The following ALLC variants were observed in gnomAD, a reference collection of about 807,000 sequenced individuals.
The protein encoded by ALLC is allantoicase.
In ALLC, 40 loss-of-function variants were observed where a neutral mutation model predicts 45.0. The observed-to-expected ratio is 0.89, with a 90% CI of 0.69 to 1.16. The LOEUF (loss-of-function observed/expected upper bound fraction) is 1.16. Ranked by LOEUF, ALLC falls within the 50% of genes most tolerant of loss-of-function variation. The probability of loss-of-function intolerance (pLI) is 0.00; values close to 1 mark genes in which losing one functional copy is unlikely to be tolerated. For missense variants in ALLC, 488 were observed against 493.1 expected (o/e 0.99, Z 0.10); for synonymous variants, 176 against 178.1 (o/e 0.99, Z 0.09).
At chr2:3,651,299 G>GAT in the ALLC span, among the ~76,000 whole-genome samples, 13 of 548 alleles carry the variant, frequency 0.024, no homozygotes, top group Non-Finnish European at 0.055. Flanking sequence ...ATTCTTTTTG[G>GAT]GTGGGTGGGT....
At chr2:3,655,631 CTT>C (rs1666420699), upstream of ALLC, among the ~76,000 whole-genome samples, 2 of 152,144 alleles carry the variant, frequency 1.3e-5, no homozygotes, top group East Asian at 3.9e-4. Flanking sequence ...AATTAAAAAA[CTT>C]TTGTTTTTCA....
intron 1 of ALLC, among the ~76,000 whole-genome samples, chr2:3,661,663 T>C (rs1666580169): frequency 6.6e-6 from 1 of 152,242 alleles, no homozygotes; most frequent in African/African-American, 2.4e-5. Context: ...CCTAAACCTC[T>C]TAGCACCTCT....
At position 3,681,670 on chromosome 2, in the gene ALLC, C is replaced by G. The variant is rs1667183150; in HGVS notation, c.335C>G (p.Thr112Arg). Residue 112 changes from threonine (T) to arginine (R), a missense_variant, in exon 6 of 12, where the codon ACA (threonine) becomes AGA (arginine). Thr to Arg is a moderately conservative substitution (Grantham distance 71). Transcript: ENST00000252505. ...GAAATCCCAGAAAGAGGAACCAGGA[C>G]AGGAGCTGCAGCCACTCCTGAGGAG... ...LPEIPERGTR[T>R]GAAATPEEFE... The G allele has an allele frequency of 6.2e-7, 1 of 1,611,160 alleles. No homozygotes were observed. Among genetic ancestry groups the G allele is most frequent in the Non-Finnish European group, 8.5e-7 (1 of 1,178,604 alleles).
intron 3 of ALLC, among the ~76,000 whole-genome samples, chr2:3,676,833 G>T (rs528099497): frequency 6.6e-6 from 1 of 151,762 alleles, no homozygotes; most frequent in Non-Finnish European, 1.5e-5. Flanking sequence ...TGTTGCCCAG[G>T]CTGGAGTGCA....
intron 1 of ALLC, among the ~76,000 whole-genome samples, chr2:3,667,615 G>A (rs1453952911): frequency 6.6e-6 from 1 of 152,170 alleles, no homozygotes; most frequent in East Asian, 1.9e-4. Context: ...TTGTTCTGAC[G>A]ATCGAAATGA....
At chr2:3,669,601 T>C (rs990464173) in intron 1 of ALLC, among the ~76,000 whole-genome samples, 1 of 152,086 alleles carries the variant, frequency 6.6e-6, no homozygotes, top group Non-Finnish European at 1.5e-5. Flanking sequence ...TGAGCCGAGA[T>C]TGCGCCGCTG....
the ALLC span, among the ~76,000 whole-genome samples, chr2:3,650,229 G>T: frequency 1.3e-5 from 2 of 152,218 alleles, no homozygotes; most frequent in African/African-American, 4.8e-5. Flanking sequence ...CACTCTCTGG[G>T]TTCTGGGGTT....
chr2:3,669,955 G>T (rs1666822552), intron 1 of ALLC, among the ~76,000 whole-genome samples: 1 of 152,192 alleles, frequency 6.6e-6, no homozygotes, highest in African/African-American at 2.4e-5. Context: ...GGGATAATTG[G>T]AGTGTGGATG....
chr2:3,685,266 G>C (rs1054721618), intron 7 of ALLC, among the ~76,000 whole-genome samples: 54 of 139,354 alleles, frequency 3.9e-4, no homozygotes, highest in African/African-American at 1.3e-3. Flanking sequence ...GTATTACTCT[G>C]CTCTCACGTT....
chr2:3,681,438 A>G (rs1045362346), intron 5 of ALLC, among the ~76,000 whole-genome samples, 196 bp from the exon 6 acceptor site: 2 of 152,172 alleles, frequency 1.3e-5, no homozygotes, highest in African/African-American at 4.8e-5. Flanking sequence ...ATCTTGTACT[A>G]TTTTTTGAAA....
At chr2:3,671,841 G>A (rs186457104) in intron 2 of ALLC, among the ~76,000 whole-genome samples, 4,956 of 131,336 alleles carry the variant, frequency 0.038, 114 homozygotes, top group East Asian at 0.11. Flanking sequence ...TTAGATTGGA[G>A]GTCCTCTGGC....
chr2:3,680,121 CT>C lies in ALLC; in HGVS notation c.298+130del. On this transcript the variant is annotated intron_variant, in intron 5 of 11. Coordinates refer to ENST00000252505, the MANE Select transcript of ALLC (RefSeq NM_018436.4). This position sits in a 1 kb window ranked among gnomAD's most constrained non-coding sequence, Gnocchi z 4.0. ...AGCTTCAGGCGCTTGACTAAGGCTA[CT>C]TTACTGTAACGGGGCTGTAGGACCA... is the stretch of plus-strand genomic sequence containing the variant. The C allele has an allele frequency of 7.5e-7, 1 of 1,330,098 alleles. No homozygotes were observed. The highest frequency in any genetic ancestry group is 1.0e-6 in the Non-Finnish European group (1 of 957,640). The allele number at this position is 1,330,098 out of a possible 1,614,324, so 82.4% of individuals were successfully genotyped here.
At chr2:3,696,079 T>G (rs1379003315) in intron 8 of ALLC, among the ~76,000 whole-genome samples, 196 bp from the exon 9 acceptor site, 2 of 152,330 alleles carry the variant, frequency 1.3e-5, no homozygotes, top group Non-Finnish European at 1.5e-5. Context: ...TTGGCCTAAG[T>G]AGCTGCTTTA....
chr2:3,674,934 T>C (rs1015380683), intron 3 of ALLC, among the ~76,000 whole-genome samples: 2 of 152,248 alleles, frequency 1.3e-5, no homozygotes, highest in Non-Finnish European at 2.9e-5. Context: ...CTTGACCTAG[T>C]TGTTCCACAG....
chr2:3,674,053 CTT>C lies in ALLC; in HGVS notation c.34-20_34-19del. On this transcript the variant is annotated intron_variant, in intron 2 of 11. Transcript: ENST00000252505. ...TCAGATTTATGGTTGCTTTATCTTT[CTT>C]TCTTTCTTTCTTTGTCTAGATTTTA... is the stretch of plus-strand genomic sequence containing the variant. The C allele has an allele frequency of 1.3e-6, 2 of 1,498,474 alleles. No homozygotes were observed. The highest frequency in any genetic ancestry group is 1.8e-6 in the Non-Finnish European group (2 of 1,103,418). The allele number at this position is 1,498,474 out of a possible 1,614,324, so 92.8% of individuals were successfully genotyped here. A position where few individuals can be genotyped will look rare whatever the true frequency, so the allele number is the denominator to read the frequency against.
At chr2:3,697,498 T>C in intron 10 of ALLC, 42 bp downstream of exon 10, 1 of 1,532,320 alleles carries the variant, frequency 6.5e-7, no homozygotes, top group Non-Finnish European at 9.0e-7. Flanking sequence ...AATTGGTTTG[T>C]TTATTCTAAA....
At chr2:3,656,385 T>C (rs547531161), upstream of ALLC, among the ~76,000 whole-genome samples, 30 of 152,314 alleles carry the variant, frequency 2.0e-4, no homozygotes, top group South Asian at 4.6e-3. Context: ...GCCCCACAGA[T>C]GGGTCCACAG....
the ALLC span, among the ~76,000 whole-genome samples, chr2:3,652,120 G>T: frequency 6.6e-6 from 1 of 152,226 alleles, no homozygotes; most frequent in African/African-American, 2.4e-5. Context: ...GAGGCCCGGA[G>T]CCCCGCCTCG....
chr2:3,646,583 A>G, the ALLC span, among the ~76,000 whole-genome samples: 144 of 152,298 alleles, frequency 9.5e-4, no homozygotes, highest in African/African-American at 3.2e-3. Flanking sequence ...GTTCCAGGGA[A>G]TGATGTACAG....
Sources: allele counts gnomAD v4.1 joint callset (sites outside exome capture counted in the v4.1 genomes callset), GRCh38; gene constraint gnomAD v4.1.1; non-coding constraint Gnocchi (gnomAD v3.1); transcripts MANE v1.5; gene names NCBI Gene and HGNC (gene_info 2026-07-23, HGNC 2026-07-21).